The following EXOC4 variants were observed in gnomAD, a reference collection of about 807,000 sequenced individuals.
The protein encoded by EXOC4 is SEC8-like 1.
Under a neutral mutation model 107.2 loss-of-function variants are expected in EXOC4, and 71 were observed. The observed-to-expected ratio is 0.66, with a 90% CI of 0.55 to 0.81. The LOEUF (loss-of-function observed/expected upper bound fraction) is 0.81, where lower values mean the gene tolerates loss of function less well. Ranked by LOEUF, EXOC4 falls within the 30% of genes least tolerant of loss-of-function variation. The pLI is 0.00. For missense variants in EXOC4, 1,108 were observed against 1,189.6 expected (o/e 0.93, Z 1.01); for synonymous variants, 456 against 441.2 (o/e 1.03, Z -0.42).
intron 10 of EXOC4, among the ~76,000 whole-genome samples, chr7:133,719,461 G>C (rs1407964884): frequency 6.6e-6 from 1 of 151,856 alleles, no homozygotes; most frequent in East Asian, 1.9e-4. Flanking sequence ...TTTTAGGCTA[G>C]AAGTAATTTA....
At chr7:133,590,671 C>T (rs1379774743) in intron 9 of EXOC4, among the ~76,000 whole-genome samples, 1 of 152,136 alleles carries the variant, frequency 6.6e-6, no homozygotes, top group Non-Finnish European at 1.5e-5. Flanking sequence ...AAGAGTTTGG[C>T]TGGGGATGGC....
chr7:133,265,360 C>G (rs1227661258), intron 1 of EXOC4, among the ~76,000 whole-genome samples: 6 of 151,372 alleles, frequency 4.0e-5, no homozygotes, highest in African/African-American at 1.5e-4. Context: ...GGGCCAAGAT[C>G]GCGCCACTGC....
intron 11 of EXOC4, among the ~76,000 whole-genome samples, chr7:133,848,416 T>C (rs1251455420): frequency 6.6e-6 from 1 of 152,210 alleles, no homozygotes; most frequent in Admixed American, 6.5e-5. Flanking sequence ...TTTGATACAC[T>C]CAAGGGACAT....
intron 7 of EXOC4, among the ~76,000 whole-genome samples, chr7:133,443,016 G>C (rs1798138251): frequency 1.3e-5 from 2 of 152,184 alleles, no homozygotes; most frequent in Non-Finnish European, 2.9e-5. Context: ...AATACAAAGT[G>C]CCTCTCTGCA....
chr7:133,850,634 AC>A lies in EXOC4; in HGVS notation c.1734+33097del, dbSNP rs765233180. 6.1e-5 allele frequency among the ~76,000 whole-genome samples: 9 copies of A among 147,684 alleles called. 1 individual carries two copies. Among genetic ancestry groups the A allele is most frequent in the African/African-American group, 1.0e-4 (4 of 39,822 alleles). ...AGAGGGCTTAAAGGTTATCTAGGTT[AC>A]CCCCCCACACACACACACACCCATG... On this transcript the variant is annotated intron_variant, in intron 11 of 17. Transcript: ENST00000253861.
the EXOC4 span, among the ~76,000 whole-genome samples, chr7:134,087,475 A>G: frequency 6.6e-6 from 1 of 152,208 alleles, no homozygotes; most frequent in Non-Finnish European, 1.5e-5. Flanking sequence ...CTACACAAAG[A>G]GTACAACAGC....
At chr7:133,541,055 AC>A (rs1800370180) in intron 9 of EXOC4, among the ~76,000 whole-genome samples, 1 of 152,194 alleles carries the variant, frequency 6.6e-6, no homozygotes, top group Non-Finnish European at 1.5e-5. Flanking sequence ...ATTTATGTCT[AC>A]ATGAAATAAT....
At chr7:133,740,405 C>A (rs1302253304) in intron 10 of EXOC4, among the ~76,000 whole-genome samples, 2 of 152,112 alleles carry the variant, frequency 1.3e-5, no homozygotes, top group Non-Finnish European at 1.5e-5. Flanking sequence ...GGTTCTTGAT[C>A]TTTTATTACC....
intron 11 of EXOC4, among the ~76,000 whole-genome samples, chr7:133,866,720 G>GAA (rs137862277): frequency 6.6e-6 from 1 of 151,862 alleles, no homozygotes; most frequent in Admixed American, 6.6e-5. Context: ...TTTGAGTTTT[G>GAA]AAAAAAAGTG....
chr7:133,338,396 A>G (rs1319909676), intron 5 of EXOC4, among the ~76,000 whole-genome samples: 1 of 150,002 alleles, frequency 6.7e-6, no homozygotes, highest in African/African-American at 2.4e-5. Flanking sequence ...GATCGAGACC[A>G]TCCTGGCTAA....
At chr7:133,816,880 C>T (rs773943673) in intron 10 of EXOC4, among the ~76,000 whole-genome samples, 18 of 152,136 alleles carry the variant, frequency 1.2e-4, no homozygotes, top group African/African-American at 3.4e-4. Flanking sequence ...ACCTGCTGTG[C>T]GGTCTGGTTC....
chr7:133,310,403 TC>T (rs763380419), intron 4 of EXOC4, among the ~76,000 whole-genome samples: 16 of 152,154 alleles, frequency 1.1e-4, no homozygotes, highest in Admixed American at 3.9e-4. Context: ...ATACAGAAGG[TC>T]CTAGAATAAC....
intron 11 of EXOC4, among the ~76,000 whole-genome samples, chr7:133,880,888 T>C (rs994881982): frequency 4.6e-5 from 7 of 152,224 alleles, no homozygotes; most frequent in African/African-American, 1.7e-4. Context: ...AACAGTAGCT[T>C]ATGTGAATTC....
intron 9 of EXOC4, among the ~76,000 whole-genome samples, chr7:133,580,846 T>G (rs1044822569): frequency 1.3e-5 from 2 of 152,230 alleles, no homozygotes; most frequent in Non-Finnish European, 2.9e-5. Context: ...ACTATCCATA[T>G]GTTTTTCAAC....
At chr7:133,361,897 A>T (rs1398401991) in intron 6 of EXOC4, among the ~76,000 whole-genome samples, 1 of 152,152 alleles carries the variant, frequency 6.6e-6, no homozygotes, top group African/African-American at 2.4e-5. Flanking sequence ...TCATTATCCT[A>T]TTATCTTCAC....
intron 10 of EXOC4, among the ~76,000 whole-genome samples, chr7:133,742,239 T>C (rs1795580631): frequency 6.6e-6 from 1 of 152,180 alleles, no homozygotes. Context: ...TAACACCATT[T>C]TTAGGGCTGT....
intron 2 of EXOC4, among the ~76,000 whole-genome samples, chr7:133,278,078 A>C (rs1350665959): frequency 6.6e-6 from 1 of 152,162 alleles, no homozygotes; most frequent in Non-Finnish European, 1.5e-5. Flanking sequence ...ATATCTGTTG[A>C]GTGCCCGCTA....
chr7:133,622,190 G>A (rs1248089485), intron 9 of EXOC4, among the ~76,000 whole-genome samples: 1 of 152,112 alleles, frequency 6.6e-6, no homozygotes, highest in Non-Finnish European at 1.5e-5. Context: ...GCCCAGGCTG[G>A]TCTGTAACTC....
intron 17 of EXOC4, among the ~76,000 whole-genome samples, chr7:134,020,853 G>A (rs1180955135): frequency 1.3e-5 from 2 of 152,100 alleles, no homozygotes; most frequent in Non-Finnish European, 2.9e-5. Flanking sequence ...AGGCACGGTG[G>A]CAGGTGCCTG....
Sources: gnomAD v4.1 joint callset for allele counts (sites outside exome capture counted in the v4.1 genomes callset) on GRCh38, gnomAD v4.1.1 for gene constraint, MANE v1.5 for transcripts, NCBI Gene and HGNC (gene_info 2026-07-23, HGNC 2026-07-21) for gene names.